BACH2: variants seen among roughly 807,000 people sequenced by gnomAD.
BACH2 encodes the protein transcription regulator protein BACH2.
In BACH2, 5 loss-of-function variants were observed where a neutral mutation model predicts 61.8. That is an observed-to-expected ratio of 0.08 (90% CI 0.04 to 0.17). The LOEUF is 0.17. Ranked by LOEUF, BACH2 falls within the 10% of genes least tolerant of loss-of-function variation. The probability of loss-of-function intolerance (pLI) is 1.00; values close to 1 mark genes in which losing one functional copy is unlikely to be tolerated. For synonymous variants in BACH2, 446 were observed against 440.1 expected, an observed-to-expected ratio of 1.01 and a Z score of -0.17; for missense variants, 824 against 1,091.1, an observed-to-expected ratio of 0.76 and a Z score of 3.45.
At chr6:90,043,920 C>A (rs1779659774) in intron 5 of BACH2, among the ~76,000 whole-genome samples, 1 of 152,180 alleles carries the variant, frequency 6.6e-6, no homozygotes. Flanking sequence ...GGACAGAAGT[C>A]ATGCTTTTTT....
intron 5 of BACH2, among the ~76,000 whole-genome samples, chr6:90,035,726 G>C (rs1379379743): frequency 6.6e-6 from 1 of 152,006 alleles, no homozygotes. Context: ...TGAAAAAACA[G>C]TTTCATTTCA....
At chr6:90,032,109 G>T (rs1402718832) in intron 5 of BACH2, among the ~76,000 whole-genome samples, 2 of 151,996 alleles carry the variant, frequency 1.3e-5, no homozygotes, top group African/African-American at 4.8e-5. Context: ...ATGGGGAAAG[G>T]ATTCCCTATT....
intron 5 of BACH2, among the ~76,000 whole-genome samples, chr6:90,012,358 G>A (rs942344705): frequency 4.6e-5 from 7 of 152,010 alleles, no homozygotes; most frequent in African/African-American, 1.7e-4. Flanking sequence ...AGCCGGGCAT[G>A]GTGGCTTACG....
intron 5 of BACH2, among the ~76,000 whole-genome samples, chr6:90,075,482 T>C (rs1342786626): frequency 6.6e-6 from 1 of 152,182 alleles, no homozygotes; most frequent in Non-Finnish European, 1.5e-5. Context: ...CACTCAAACC[T>C]GGCTTTCCAA....
intron 2 of BACH2, among the ~76,000 whole-genome samples, chr6:90,255,333 A>C (rs1297147855): frequency 2.0e-5 from 3 of 152,230 alleles, no homozygotes; most frequent in South Asian, 2.1e-4. Context: ...TGCTAAGAGC[A>C]AGTAAGTACT....
rs1362226767 is a variant in BACH2, at chr6:89,927,555, A to G, written c.*4853T>C. 1 of 152,842 alleles carries G rather than the reference A, an allele frequency of 6.5e-6. No individual in the cohort carries two copies. Among genetic ancestry groups the G allele is most frequent in the Non-Finnish European group, 1.5e-5 (1 of 68,050 alleles). 9.5% of individuals were successfully genotyped at this position (152,842 alleles called of 1,614,324 possible). ...TATCTGAGGTCAATAAACTGGAATGAGAATGAAAGTCAGAGCTGTTTATCC... is the reference window on the plus strand; with the variant it reads ...TATCTGAGGTCAATAAACTGGAATGGGAATGAAAGTCAGAGCTGTTTATCC... On this transcript the variant is annotated 3_prime_UTR_variant, in exon 9 of 9. Transcript: ENST00000257749.
Position 89,951,071 on chromosome 6 carries a change from G to T in BACH2, c.1035C>A (p.Phe345Leu). Residue 345 changes from phenylalanine (F) to leucine (L), a missense_variant, in exon 7 of 9, where the codon TTC (phenylalanine) becomes TTA (leucine). By Grantham distance (22) the Phe-to-Leu change is conservative. Around this residue, in one of 8 missense-constraint regions of BACH2, gnomAD observed 226 missense variants for 228.5 expected, o/e 0.99. Transcript: ENST00000257749. This position sits in a 1 kb window ranked among gnomAD's most constrained non-coding sequence, Gnocchi z 6.4. ...ACAGCTCCACACTTTTCGTTATGCT[G>T]AACAGAGACCTTAAGCAGGAGGGCG... ...VASPSCLRSL[F>L]SITKSVELSG... The T allele has an allele frequency of 6.2e-7, 1 of 1,612,258 alleles. No individual in the cohort carries two copies. Among genetic ancestry groups the T allele is most frequent in the South Asian group, 1.1e-5 (1 of 90,766 alleles).
At chr6:90,006,245 C>G (rs16882347) in intron 6 of BACH2, among the ~76,000 whole-genome samples, 7 of 152,164 alleles carry the variant, frequency 4.6e-5, no homozygotes, top group South Asian at 2.1e-4. Flanking sequence ...AAGAGACTTA[C>G]GTTTGTCAAA....
At chr6:90,237,317 G>A (rs1770292701) in intron 3 of BACH2, among the ~76,000 whole-genome samples, 1 of 152,164 alleles carries the variant, frequency 6.6e-6, no homozygotes, top group African/African-American at 2.4e-5. Context: ...ACAATTAAAT[G>A]TTATTATGAC....
At chr6:90,065,914 T>C (rs146943289) in intron 5 of BACH2, among the ~76,000 whole-genome samples, 2 of 152,294 alleles carry the variant, frequency 1.3e-5, no homozygotes, top group East Asian at 3.9e-4. Context: ...GAATTAGAAT[T>C]ATAAGGATTT....
intron 1 of BACH2, among the ~76,000 whole-genome samples, chr6:90,277,118 T>C (rs550528785): frequency 6.6e-6 from 1 of 152,290 alleles, no homozygotes; most frequent in South Asian, 2.1e-4. Flanking sequence ...CTACAAGACA[T>C]TTAAAAATTA....
intron 1 of BACH2, among the ~76,000 whole-genome samples, chr6:90,295,855 T>C (rs553733976): frequency 1.3e-5 from 2 of 152,182 alleles, no homozygotes; most frequent in African/African-American, 2.4e-5. Context: ...CGCCTCTTCC[T>C]GCGACCCTAA....
chr6:90,284,246 T>C (rs898379114), intron 1 of BACH2, among the ~76,000 whole-genome samples: 2 of 152,132 alleles, frequency 1.3e-5, no homozygotes, highest in African/African-American at 4.8e-5. Context: ...TCCCCATATG[T>C]AGACATACGG....
intron 5 of BACH2, among the ~76,000 whole-genome samples, chr6:90,055,625 C>T (rs1013911984): frequency 2.1e-5 from 3 of 144,876 alleles, no homozygotes; most frequent in African/African-American, 8.7e-5. Context: ...ACAGAGAACG[C>T]CACAAAGATA....
intron 5 of BACH2, among the ~76,000 whole-genome samples, chr6:90,077,865 A>G (rs1437363124): frequency 2.0e-5 from 3 of 152,154 alleles, no homozygotes; most frequent in Admixed American, 6.6e-5. Flanking sequence ...TTAAAGGGAG[A>G]CTGATTTGAA....
chr6:90,078,856 C>A (rs1236717018), intron 5 of BACH2, among the ~76,000 whole-genome samples: 2 of 152,150 alleles, frequency 1.3e-5, no homozygotes, highest in African/African-American at 4.8e-5. Context: ...CTCATTGTAA[C>A]CACTGTGCCA....
At chr6:90,264,325 A>G (rs750541166) in intron 2 of BACH2, among the ~76,000 whole-genome samples, 1 of 152,208 alleles carries the variant, frequency 6.6e-6, no homozygotes, top group South Asian at 2.1e-4. Context: ...TCTGCAACTT[A>G]CTTTTAAATA....
At chr6:90,211,621 TGTG>T (rs1769356227) in intron 3 of BACH2, among the ~76,000 whole-genome samples, 1 of 145,452 alleles carries the variant, frequency 6.9e-6, no homozygotes, top group Admixed American at 7.1e-5. Flanking sequence ...TGTGTGTGTG[TGTG>T]TGTGTGTGCT....
At chr6:90,120,243 T>C (rs189715303) in intron 4 of BACH2, among the ~76,000 whole-genome samples, 99 of 150,706 alleles carry the variant, frequency 6.6e-4, no homozygotes, top group African/African-American at 2.1e-3. Context: ...AAGAGGTCCA[T>C]GATGGTCACC....
Sources: gnomAD v4.1 joint callset for allele counts (sites outside exome capture counted in the v4.1 genomes callset) on GRCh38, gnomAD v4.1.1 for gene constraint, gnomAD v4.1.1 regional missense constraint, Gnocchi (gnomAD v3.1) non-coding constraint, MANE v1.5 for transcripts, NCBI Gene and HGNC (gene_info 2026-07-23, HGNC 2026-07-21) for gene names.